NEGR1: variants seen among roughly 807,000 people sequenced by gnomAD.
The protein encoded by NEGR1 is neuronal growth regulator 1.
NEGR1 carries 10 observed loss-of-function variants against 40.9 expected under a neutral mutation model. The ratio of observed to expected loss-of-function variants is 0.24; its 90% CI spans 0.15 to 0.42. The LOEUF (loss-of-function observed/expected upper bound fraction) is 0.42, where lower values mean the gene tolerates loss of function less well. Ranked by LOEUF, NEGR1 falls within the 10% of genes least tolerant of loss-of-function variation. The probability of loss-of-function intolerance (pLI) is 1.00; values close to 1 mark genes in which losing one functional copy is unlikely to be tolerated. For synonymous variants in NEGR1, 185 were observed against 166.8 expected, an observed-to-expected ratio of 1.11 and a Z score of -0.84; for missense variants, 352 against 438.9, an observed-to-expected ratio of 0.80 and a Z score of 1.77.
chr1:72,029,219 G>A (rs766419798), intron 1 of NEGR1, among the ~76,000 whole-genome samples: 48 of 152,036 alleles, frequency 3.2e-4, no homozygotes, highest in African/African-American at 1.1e-3. Context: ...GGTGGCTTGC[G>A]CTTGTAATCC....
chr1:71,467,901 A>G (rs1646757398), intron 6 of NEGR1, among the ~76,000 whole-genome samples: 1 of 152,018 alleles, frequency 6.6e-6, no homozygotes, highest in Non-Finnish European at 1.5e-5. Context: ...AGCACATTGT[A>G]AATAATAAAT....
In NEGR1 at chr1:71,739,215, AAAC is replaced by A. The variant is rs1371889661; in HGVS notation, c.535+36954_535+36956del. Among the ~76,000 whole-genome samples the A allele has an allele frequency of 3.5e-3, 503 of 143,146 alleles. 3 individuals carry two copies. The highest frequency in any genetic ancestry group is 0.012 in the African/African-American group (429 of 34,522). 93.9% of individuals were successfully genotyped at this position (143,146 alleles called of 152,430 possible). ...AGGCAGGCAGAAAAAAAAAAAAAAA[AAAC>A]AAAAAAAAAAAACGTGAAAAGACTA... On this transcript the variant is annotated intron_variant, in intron 3 of 6. Coordinates refer to ENST00000357731, the MANE Select transcript of NEGR1 (RefSeq NM_173808.3).
intron 1 of NEGR1, among the ~76,000 whole-genome samples, chr1:72,209,751 T>C (rs1439496438): frequency 6.6e-6 from 1 of 151,880 alleles, no homozygotes; most frequent in African/African-American, 2.4e-5. Flanking sequence ...TACACGCATG[T>C]ATCTTAATCT....
intron 1 of NEGR1, among the ~76,000 whole-genome samples, chr1:71,962,142 A>G (rs1249106354): frequency 6.6e-6 from 1 of 152,144 alleles, no homozygotes; most frequent in African/African-American, 2.4e-5. Context: ...CAGATGAGAC[A>G]GAAGGAAAAG....
chr1:71,440,362 G>C (rs1372228328), intron 6 of NEGR1, among the ~76,000 whole-genome samples: 1 of 152,166 alleles, frequency 6.6e-6, no homozygotes, highest in Admixed American at 6.6e-5. Flanking sequence ...GCCTGCAATA[G>C]AGCAATAAAG....
intron 1 of NEGR1, among the ~76,000 whole-genome samples, chr1:71,946,036 A>C (rs759141542): frequency 6.6e-6 from 1 of 151,862 alleles, no homozygotes; most frequent in Non-Finnish European, 1.5e-5. Flanking sequence ...AGGGTTACCA[A>C]TTCTATTCGT....
intron 1 of NEGR1, among the ~76,000 whole-genome samples, chr1:72,029,820 A>G (rs1387952864): frequency 6.6e-6 from 1 of 152,204 alleles, no homozygotes; most frequent in African/African-American, 2.4e-5. Flanking sequence ...AAAAATCTCT[A>G]AAAAAGAAAT....
intron 1 of NEGR1, among the ~76,000 whole-genome samples, chr1:72,180,081 CAAG>C (rs1020569425): frequency 6.6e-6 from 1 of 151,604 alleles, no homozygotes; most frequent in African/African-American, 2.4e-5. Flanking sequence ...AAAACAATTC[CAAG>C]AAGAAAGAAA....
chr1:71,767,776 G>T (rs1273639904), intron 3 of NEGR1, among the ~76,000 whole-genome samples: 2 of 152,332 alleles, frequency 1.3e-5, no homozygotes, highest in Admixed American at 6.5e-5. Context: ...TACCAAGGAA[G>T]AATGATTTTG....
At position 71,428,430 on chromosome 1, in the gene NEGR1, T is replaced by C. The variant is rs534163632; in HGVS notation, c.941-20860A>G. 6.6e-5 allele frequency among the ~76,000 whole-genome samples: 10 copies of C among 152,334 alleles called. No homozygotes were observed. The South Asian group carries it at 1.7e-3, about 25-fold the overall frequency. On this transcript the variant is annotated intron_variant, in intron 6 of 6. Coordinates refer to ENST00000357731, the MANE Select transcript of NEGR1 (RefSeq NM_173808.3). ...ATTTATCTATAAAACTGCTATAATG[T>C]TAAGGCACTGAGTATAAGCCCTAAT...
intron 1 of NEGR1, among the ~76,000 whole-genome samples, chr1:71,983,684 T>C (rs1371644573): frequency 6.6e-6 from 1 of 152,120 alleles, no homozygotes; most frequent in Non-Finnish European, 1.5e-5. Context: ...GAAAGATGTA[T>C]AAAGAACAAA....
intron 4 of NEGR1, among the ~76,000 whole-genome samples, chr1:71,615,936 A>T (rs1414968112): frequency 6.6e-6 from 1 of 152,228 alleles, no homozygotes; most frequent in East Asian, 1.9e-4. Context: ...GAATGTAATT[A>T]AATAGATCAT....
intron 2 of NEGR1, among the ~76,000 whole-genome samples, chr1:71,913,891 C>T (rs1027279124): frequency 2.6e-5 from 4 of 151,842 alleles, no homozygotes; most frequent in African/African-American, 9.7e-5. Flanking sequence ...TAAGTACACT[C>T]CTTAGTGTAT....
At chr1:71,885,625 T>G (rs991309722) in intron 2 of NEGR1, among the ~76,000 whole-genome samples, 1 of 152,166 alleles carries the variant, frequency 6.6e-6, no homozygotes, top group Non-Finnish European at 1.5e-5. Flanking sequence ...ATAATAACCT[T>G]GGAAAATGGT....
At chr1:71,817,874 T>C (rs72678971) in intron 2 of NEGR1, among the ~76,000 whole-genome samples, 46,680 of 152,020 alleles carry the variant, frequency 0.31, 8,935 homozygotes, top group Middle Eastern at 0.42. Context: ...TGCATTGCTA[T>C]TGTGTTTTTG....
chr1:71,536,581 C>T (rs370869914), intron 6 of NEGR1, among the ~76,000 whole-genome samples: 46 of 151,768 alleles, frequency 3.0e-4, no homozygotes, highest in African/African-American at 9.9e-4. Context: ...ATTATCTAGC[C>T]GCAGGTATTC....
At chr1:71,441,776 G>A (rs780413153) in intron 6 of NEGR1, among the ~76,000 whole-genome samples, 5 of 152,132 alleles carry the variant, frequency 3.3e-5, no homozygotes, top group Non-Finnish European at 7.3e-5. Flanking sequence ...AACTGCAGTG[G>A]TTTCATGCAT....
chr1:71,970,488 C>T (rs1646246703), intron 1 of NEGR1, among the ~76,000 whole-genome samples: 1 of 152,044 alleles, frequency 6.6e-6, no homozygotes, highest in African/African-American at 2.4e-5. Flanking sequence ...GCCTGGAATT[C>T]AAGACCAGAT....
At chr1:71,847,719 T>C (rs1659467840) in intron 2 of NEGR1, among the ~76,000 whole-genome samples, 1 of 152,148 alleles carries the variant, frequency 6.6e-6, no homozygotes, top group Non-Finnish European at 1.5e-5. Context: ...TTAGGCCACT[T>C]AATACCCTAC....
Sources: gnomAD v4.1 joint callset for allele counts (sites outside exome capture counted in the v4.1 genomes callset) on GRCh38, gnomAD v4.1.1 for gene constraint, MANE v1.5 for transcripts, NCBI Gene and HGNC (gene_info 2026-07-23, HGNC 2026-07-21) for gene names.